Variants in PGS1 observed in about 807,000 individuals in gnomAD.
The protein encoded by PGS1 is CDP-diacylglycerol--glycerol-3-phosphate 3-phosphatidyltransferase, mitochondrial.
Under a neutral mutation model 58.3 loss-of-function variants are expected in PGS1, and 44 were observed. That is an observed-to-expected ratio of 0.75 (90% confidence interval 0.59 to 0.97). PGS1 has a LOEUF of 0.97. PGS1 is among the 50% of genes least tolerant of loss of function. The pLI, the probability that PGS1 is intolerant of heterozygous loss-of-function variation, is 0.00. For synonymous variants in PGS1, 330 were observed against 311.0 expected, an observed-to-expected ratio of 1.06 and a Z score of -0.64; for missense variants, 684 against 731.1, an observed-to-expected ratio of 0.94 and a Z score of 0.74.
In PGS1 at chr17:78,399,362, C is replaced by CGAG. The variant is rs752421080; in HGVS notation, c.527_528insAGG (p.Arg176_Thr177insGly). The CGAG allele has an allele frequency of 6.2e-7, 1 of 1,613,960 alleles. No homozygotes were observed. Among genetic ancestry groups the CGAG allele is most frequent in the Admixed American group, 1.7e-5 (1 of 60,026 alleles). Reference sequence around the variant, plus strand: ...TCCGTGTTCAGGCCGGAAGAACTCCCGCACAATGCTGCTCCCACTCCTGCG... The same window carrying CGAG: ...TCCGTGTTCAGGCCGGAAGAACTCCCGAGGCACAATGCTGCTCCCACTCCTGCG... On this transcript the variant is annotated inframe_insertion, in exon 5 of 10. Transcript: ENST00000262764.
chr17:78,410,074 G>A (rs1043401419), intron 7 of PGS1, among the ~76,000 whole-genome samples: 2 of 151,998 alleles, frequency 1.3e-5, no homozygotes, highest in African/African-American at 2.4e-5. Flanking sequence ...TCGTGCCACT[G>A]TACCCCAGTG....
Position 78,400,550 on chromosome 17 carries a change from TTTG to T in PGS1, c.702-124_702-122del. The T allele has an allele frequency of 1.3e-6, 1 of 749,396 alleles. No homozygotes were observed. Among genetic ancestry groups the T allele is most frequent in the Non-Finnish European group, 2.3e-6 (1 of 433,260 alleles). The allele number at this position is 749,396 out of a possible 1,614,324, so 46.4% of individuals were successfully genotyped here. A position where few individuals can be genotyped will look rare whatever the true frequency, so the allele number is the denominator to read the frequency against. ...GCACGTGTTCATTGCTGAGTAGCTATTTGTTAACTGCATCTTGACCTGAGTTTG... is the reference window on the plus strand; with the variant it reads ...GCACGTGTTCATTGCTGAGTAGCTATTTAACTGCATCTTGACCTGAGTTTG... On this transcript the variant is annotated intron_variant, in intron 5 of 9. Coordinates refer to ENST00000262764, the MANE Select transcript of PGS1 (RefSeq NM_024419.5). This position sits in a 1 kb window ranked among gnomAD's most constrained non-coding sequence, Gnocchi z 4.4.
intron 1 of PGS1, among the ~76,000 whole-genome samples, chr17:78,380,346 A>G (rs748841105): frequency 2.6e-5 from 4 of 152,172 alleles, no homozygotes; most frequent in Non-Finnish European, 4.4e-5. Flanking sequence ...AGTCATGTGT[A>G]CTGATTCTAG....
intron 7 of PGS1, among the ~76,000 whole-genome samples, chr17:78,405,002 C>CTT (rs546720490): frequency 5.6e-5 from 8 of 142,524 alleles, no homozygotes; most frequent in Non-Finnish European, 6.2e-5. Flanking sequence ...TTGTTGGCAA[C>CTT]TTTTTTTTTT....
Position 78,378,699 on chromosome 17 carries a change from G to A in PGS1, c.34G>A (p.Val12Met). ...GGCGGCGGCAGCTGCGGCGGGACCC[G>A]TGTTCTGGAGGCGACTGCTGGGCCT... is the stretch of plus-strand genomic sequence containing the variant. ...AVAAAAAAGP[V>M]FWRRLLGLLP... Residue 12 changes from valine to methionine, a missense_variant, in exon 1 of 10, where the codon GTG (valine) becomes ATG (methionine). By Grantham distance (21) the Val-to-Met change is conservative. Coordinates refer to ENST00000262764, the MANE Select transcript of PGS1 (RefSeq NM_024419.5). 7.2e-6 allele frequency: 11 copies of A among 1,524,186 alleles called. No homozygotes were observed. The highest frequency in any genetic ancestry group is 9.6e-6 in the Non-Finnish European group (11 of 1,142,518). 94.4% of individuals were successfully genotyped at this position (1,524,186 alleles called of 1,614,324 possible).
Position 78,421,207 on chromosome 17 carries a change from G to A in PGS1, c.*10+1532G>A, listed in dbSNP as rs370746989. The A allele has an allele frequency of 5.9e-5, 9 of 152,324 alleles. 1 individual carries two copies. In the East Asian group the frequency reaches 7.7e-4, roughly 13 times the overall value. The allele number at this position is 152,324 out of a possible 1,614,324, so 9.4% of individuals were successfully genotyped here. A position where few individuals can be genotyped will look rare whatever the true frequency, so the allele number is the denominator to read the frequency against. On this transcript the variant is annotated intron_variant, in intron 9 of 9. Coordinates refer to ENST00000262764, the MANE Select transcript of PGS1 (RefSeq NM_024419.5). Reference sequence around the variant, plus strand: ...CTCTCCATATCCCCCAGTGTCTCCAGGAGCTGCTTTTGTGACCTCACTGCC... The same window carrying A: ...CTCTCCATATCCCCCAGTGTCTCCAAGAGCTGCTTTTGTGACCTCACTGCC...
Position 78,403,879 on chromosome 17 carries a change from CTGG to C in PGS1, c.1194_1196del (p.Val399del). 6.2e-7 allele frequency: 1 copy of C among 1,614,208 alleles called. No homozygotes were observed. The highest frequency in any genetic ancestry group is 8.5e-7 in the Non-Finnish European group (1 of 1,179,998). ...CAACCTGACCCAGGCCTACATGGAC[CTGG>C]TCTTGGGCACTCGGGCTGAGTACCA... On this transcript the variant is annotated inframe_deletion, in exon 7 of 10. Coordinates refer to ENST00000262764, the MANE Select transcript of PGS1 (RefSeq NM_024419.5).
At chr17:78,412,685 G>A (rs2084819276) in intron 7 of PGS1, among the ~76,000 whole-genome samples, 2 of 152,214 alleles carry the variant, frequency 1.3e-5, no homozygotes, top group African/African-American at 4.8e-5. Flanking sequence ...AGTCATGGTG[G>A]CGTGACACAG....
chr17:78,417,974 G>C (rs1294837050), intron 8 of PGS1, among the ~76,000 whole-genome samples: 2 of 149,806 alleles, frequency 1.3e-5, no homozygotes, highest in African/African-American at 2.5e-5. Context: ...CTGTCGCCCA[G>C]GCTGGAGTGC....
chr17:78,392,432 T>G, intron 1 of PGS1, 44 bp from the exon 2 acceptor site: 19 of 1,426,024 alleles, frequency 1.3e-5, no homozygotes, highest in Non-Finnish European at 1.6e-5. Flanking sequence ...CAGAAGTATT[T>G]GAGGTATTTG....
intron 1 of PGS1, among the ~76,000 whole-genome samples, chr17:78,381,721 C>G (rs138651709): frequency 8.5e-5 from 13 of 152,286 alleles, no homozygotes; most frequent in African/African-American, 3.1e-4. Context: ...CCAGTGAACC[C>G]TCGTGAGGGG....
intron 9 of PGS1, chr17:78,421,435 A>G (rs2138127): frequency 0.97 from 147,956 of 152,354 alleles, 71,980 homozygotes; most frequent in East Asian, 1. Flanking sequence ...AAGGTTGCAT[A>G]GGCTCACCTG....
rs904985673 is a variant in PGS1, at chr17:78,420,123, C to T, written c.*10+448C>T. ...AGTGGCTCTGGCTTGCTGCCCTGGCCGGCTGTAGTGCACAGGGTGGGGCGT... is the reference window on the plus strand; with the variant it reads ...AGTGGCTCTGGCTTGCTGCCCTGGCTGGCTGTAGTGCACAGGGTGGGGCGT... On this transcript the variant is annotated intron_variant, in intron 9 of 9. Transcript: ENST00000262764. 49 of 1,033,774 alleles carry T rather than the reference C, an allele frequency of 4.7e-5. No individual in the cohort carries two copies. The South Asian group carries it at 7.2e-4, about 15-fold the overall frequency. The allele number at this position is 1,033,774 out of a possible 1,614,324, so 64.0% of individuals were successfully genotyped here. A position where few individuals can be genotyped will look rare whatever the true frequency, so the allele number is the denominator to read the frequency against.
chr17:78,396,246 C>A, intron 2 of PGS1, 62 bp from the exon 3 acceptor site: 1 of 1,266,384 alleles, frequency 7.9e-7, no homozygotes, highest in South Asian at 1.2e-5. Context: ...TCAAAGGGTT[C>A]TGTTTTCTTA....
At chr17:78,422,605 C>T (rs149272973) in intron 9 of PGS1, among the ~76,000 whole-genome samples, 2,260 of 131,690 alleles carry the variant, frequency 0.017, 59 homozygotes, top group African/African-American at 0.057. Context: ...TCAAGCGACC[C>T]TCCTGCCTCA....
rs757127444 is a variant in PGS1 at position 78,415,036 on chromosome 17, C to T, written c.1551+9C>T. ...AGCAGCAGCTTCACCAGGTTGGTCGCAGCAAGTGGGATTTCCCAGGGCGCT... is the reference window on the plus strand; with the variant it reads ...AGCAGCAGCTTCACCAGGTTGGTCGTAGCAAGTGGGATTTCCCAGGGCGCT... On this transcript the variant is annotated intron_variant, in intron 8 of 9. Transcript: ENST00000262764. The T allele has an allele frequency of 1.9e-6, 3 of 1,611,068 alleles. No homozygotes were observed. In the South Asian group the frequency reaches 3.3e-5, roughly 18 times the overall value.
chr17:78,411,761 C>G (rs2084715111), intron 7 of PGS1, among the ~76,000 whole-genome samples: 1 of 152,154 alleles, frequency 6.6e-6, no homozygotes, highest in Non-Finnish European at 1.5e-5. Context: ...AACAGATTTC[C>G]CGACAGCGAG....
chr17:78,406,024 A>T (rs2376583), intron 7 of PGS1, among the ~76,000 whole-genome samples: 70,512 of 151,664 alleles, frequency 0.46, 16,911 homozygotes, highest in Admixed American at 0.53. Context: ...GTTGTAAGAA[A>T]TACTGAAGCC....
At chr17:78,411,552 C>A (rs1292013114) in intron 7 of PGS1, among the ~76,000 whole-genome samples, 1 of 152,184 alleles carries the variant, frequency 6.6e-6, no homozygotes, top group Non-Finnish European at 1.5e-5. Flanking sequence ...TATCTCTGCC[C>A]CATGAACTGC....
Sources: gnomAD v4.1 joint callset for allele counts (sites outside exome capture counted in the v4.1 genomes callset) on GRCh38, gnomAD v4.1.1 for gene constraint, Gnocchi (gnomAD v3.1) non-coding constraint, MANE v1.5 for transcripts, NCBI Gene and HGNC (gene_info 2026-07-23, HGNC 2026-07-21) for gene names.